The following SLC35A5 variants were observed in gnomAD, a reference collection of about 807,000 sequenced individuals.
SLC35A5 encodes the protein UDP-sugar transporter protein SLC35A5.
In SLC35A5, 28 loss-of-function variants were observed where a neutral mutation model predicts 36.3. The observed-to-expected ratio is 0.77, with a 90% CI of 0.57 to 1.06. SLC35A5 has a LOEUF of 1.06. SLC35A5 is among the 50% of genes least tolerant of loss of function. The pLI is 0.00. For missense variants in SLC35A5, 521 were observed against 499.3 expected (o/e 1.04, Z -0.41); for synonymous variants, 180 against 173.7 (o/e 1.04, Z -0.29).
At chr3:112,561,353 C>T (rs1933867968), upstream of SLC35A5, 6 of 1,230,502 alleles carry the variant, frequency 4.9e-6, no homozygotes, top group Non-Finnish European at 5.9e-6. Context: ...CTACTGCCTT[C>T]CTACACCTTG....
In SLC35A5 at chr3:112,570,602, T is replaced by A. The variant is rs1559858431; in HGVS notation, c.292T>A (p.Ser98Thr). ...WKEFSDFMKW[S>T]IPAFLYFLDN... ...GGAATTCTCTGATTTCATGAAGTGG[T>A]CCATTCCTGCCTTTCTTTATTTCCT... Residue 98 changes from serine to threonine, a missense_variant, in exon 4 of 7, where the codon TCC (serine) becomes ACC (threonine). Ser to Thr is a moderately conservative substitution (Grantham distance 58). Transcript: ENST00000492406. The A allele has an allele frequency of 1.2e-6, 2 of 1,613,168 alleles. No individual in the cohort carries two copies. The highest frequency in any genetic ancestry group is 8.5e-7 in the Non-Finnish European group (1 of 1,179,580).
At position 112,583,915 on chromosome 3, in the gene SLC35A5, G is replaced by A. The variant is rs537296961; in HGVS notation, c.*1179G>A. 7 of 152,226 alleles carry A rather than the reference G, an allele frequency of 4.6e-5. No homozygotes were observed. Among genetic ancestry groups the A allele is most frequent in the African/African-American group, 1.7e-4 (7 of 41,530 alleles). 9.4% of individuals were successfully genotyped at this position (152,226 alleles called of 1,614,324 possible). On this transcript the variant is annotated 3_prime_UTR_variant, in exon 7 of 7. Coordinates refer to ENST00000492406, the MANE Select transcript of SLC35A5 (RefSeq NM_017945.5). ...GTGACTTGCTCAGGGTCATGCAGCT[G>A]GGTGATGATAGAAGAGTGGGCTTTA...
upstream of SLC35A5, chr3:112,561,346 C>A (rs1219998868): frequency 8.8e-6 from 10 of 1,138,366 alleles, no homozygotes; most frequent in Non-Finnish European, 1.3e-5. Context: ...TCGAGCCCTA[C>A]TGCCTTCCTA....
At chr3:112,568,139 G>C (rs1168559517) in intron 2 of SLC35A5, among the ~76,000 whole-genome samples, 1 of 152,172 alleles carries the variant, frequency 6.6e-6, no homozygotes, top group Admixed American at 6.5e-5. Flanking sequence ...CTTCCAATGA[G>C]ACAAGTAGGG....
chr3:112,567,419 A>C (rs917793830), intron 2 of SLC35A5, among the ~76,000 whole-genome samples: 1 of 151,976 alleles, frequency 6.6e-6, no homozygotes, highest in African/African-American at 2.4e-5. Context: ...CAGCCTCCCG[A>C]ATAGCTGAGA....
At chr3:112,568,226 G>A (rs1440547905) in intron 2 of SLC35A5, among the ~76,000 whole-genome samples, 1 of 152,188 alleles carries the variant, frequency 6.6e-6, no homozygotes, top group Non-Finnish European at 1.5e-5. Context: ...AGAAGGTCAA[G>A]GGAAACCACA....
chr3:112,573,434 G>C (rs1934537136), intron 4 of SLC35A5, among the ~76,000 whole-genome samples: 1 of 152,112 alleles, frequency 6.6e-6, no homozygotes, highest in Non-Finnish European at 1.5e-5. Flanking sequence ...GTTCAACCAG[G>C]AAAATTGATA....
At chr3:112,579,882 A>G (rs917418180) in intron 5 of SLC35A5, among the ~76,000 whole-genome samples, 3 of 152,362 alleles carry the variant, frequency 2.0e-5, no homozygotes, top group East Asian at 1.9e-4. Flanking sequence ...TGGAATAATA[A>G]TAGTACATGT....
intron 5 of SLC35A5, among the ~76,000 whole-genome samples, chr3:112,579,387 C>T (rs145298896): frequency 1.3e-5 from 2 of 152,120 alleles, no homozygotes; most frequent in East Asian, 3.9e-4. Context: ...TACACTTCTG[C>T]ATTTTTTATG....
In SLC35A5 at chr3:112,581,075, G is replaced by A; in HGVS notation, c.958G>A (p.Val320Met). The A allele has an allele frequency of 6.2e-7, 1 of 1,613,972 alleles. No individual in the cohort carries two copies. Among genetic ancestry groups the A allele is most frequent in the Non-Finnish European group, 8.5e-7 (1 of 1,179,954 alleles). ...IFVTAFQGLS[V>M]AFILKFLDNM... ...TGTAACTGCATTCCAGGGCCTTTCA[G>A]TGGCTTTCATTCTGAAGTTCCTGGA... The change falls in exon 6 of 7, where the codon GTG (valine) becomes ATG (methionine). Residue 320 changes from valine (V) to methionine (M), a missense_variant. Val to Met is a conservative substitution (Grantham distance 21, BLOSUM62 1). Transcript: ENST00000492406.
chr3:112,577,522 C>G (rs934398218), intron 5 of SLC35A5, among the ~76,000 whole-genome samples: 4 of 152,170 alleles, frequency 2.6e-5, no homozygotes, highest in African/African-American at 9.7e-5. Flanking sequence ...GTAACCTAAG[C>G]AAAGTTGCAC....
intron 5 of SLC35A5, among the ~76,000 whole-genome samples, chr3:112,580,035 T>G (rs1393899278): frequency 6.6e-6 from 1 of 152,242 alleles, no homozygotes; most frequent in Non-Finnish European, 1.5e-5. Context: ...GATTAGGACA[T>G]GGATCTAGAG....
Position 112,573,963 on chromosome 3 carries a change from A to C in SLC35A5, c.428+7A>C, listed in dbSNP as rs1934566288. On this transcript the variant is annotated splice_region_variant and intron_variant, in intron 5 of 6. Coordinates refer to ENST00000492406, the MANE Select transcript of SLC35A5 (RefSeq NM_017945.5). ...TATTCAGGATAGTGCTGAAGTAAGT[A>C]ACTTGCTGTGAAAACATATATCATA... The C allele has an allele frequency of 1.2e-6, 2 of 1,608,476 alleles. No homozygotes were observed. The highest frequency in any genetic ancestry group is 2.2e-5 in the South Asian group (2 of 90,814).
chr3:112,564,045 A>C (rs7652377), intron 2 of SLC35A5: 111,751 of 152,198 alleles, frequency 0.73, 45,736 homozygotes, highest in Non-Finnish European at 0.92. Flanking sequence ...TTAATTCCAC[A>C]AAACTGTATT....
chr3:112,570,077 A>G (rs1212010704), intron 3 of SLC35A5, among the ~76,000 whole-genome samples: 1 of 152,232 alleles, frequency 6.6e-6, no homozygotes. Flanking sequence ...GTTTTTAGAA[A>G]CCTAGAGATG....
At chr3:112,579,377 T>C (rs1934798719) in intron 5 of SLC35A5, among the ~76,000 whole-genome samples, 1 of 152,104 alleles carries the variant, frequency 6.6e-6, no homozygotes, top group South Asian at 2.1e-4. Flanking sequence ...CCTATTGCTT[T>C]ACACTTCTGC....
At chr3:112,567,083 G>A (rs370876948) in intron 2 of SLC35A5, among the ~76,000 whole-genome samples, 41 of 151,806 alleles carry the variant, frequency 2.7e-4, no homozygotes, top group East Asian at 7.9e-4. Flanking sequence ...AAAATTAGCC[G>A]GGCGTGGTGG....
chr3:112,561,769 C>T (rs1252622408), upstream of SLC35A5: 1 of 510,040 alleles, frequency 2.0e-6, no homozygotes, highest in African/African-American at 2.1e-5. Context: ...ACGGACCGGA[C>T]CCAGCTGTCA....
intron 5 of SLC35A5, among the ~76,000 whole-genome samples, chr3:112,575,820 C>T (rs1398992834): frequency 7.1e-6 from 1 of 141,630 alleles, no homozygotes; most frequent in East Asian, 2.1e-4. Context: ...AGTGCAGTGG[C>T]ACCGTCTTGG....
Sources: allele counts gnomAD v4.1 joint callset (sites outside exome capture counted in the v4.1 genomes callset), GRCh38; gene constraint gnomAD v4.1.1; transcripts MANE v1.5; gene names NCBI Gene and HGNC (gene_info 2026-07-23, HGNC 2026-07-21).